Variants in CTNNA3 observed in about 807,000 individuals in gnomAD.
The protein encoded by CTNNA3 is catenin alpha-3.
Under a neutral mutation model 95.7 loss-of-function variants are expected in CTNNA3, and 76 were observed. The observed-to-expected ratio is 0.79, with a 90% CI of 0.66 to 0.96. The LOEUF is 0.96. Among genes scored for constraint, CTNNA3 ranks in the 40% least tolerant of loss-of-function variants. CTNNA3 has a pLI of 0.00. For missense variants in CTNNA3, 1,191 were observed against 1,089.8 expected (o/e 1.09, Z -1.31); for synonymous variants, 431 against 374.4 (o/e 1.15, Z -1.74).
chr10:67,372,708 G>A (rs951550210), intron 5 of CTNNA3, among the ~76,000 whole-genome samples: 8 of 152,144 alleles, frequency 5.3e-5, no homozygotes, highest in African/African-American at 1.7e-4. Flanking sequence ...AGGAAAAAAT[G>A]TTAAGGGCAG....
intron 7 of CTNNA3, among the ~76,000 whole-genome samples, chr10:66,820,029 T>C (rs1842246884): frequency 6.9e-6 from 1 of 145,324 alleles, no homozygotes; most frequent in Non-Finnish European, 1.5e-5. Flanking sequence ...AACTTGTACA[T>C]AAATGTTCAG....
chr10:65,950,865 T>C lies in CTNNA3; in HGVS notation c.2400+15747A>G, dbSNP rs12268045. Among the ~76,000 whole-genome samples the C allele has an allele frequency of 3.2e-3, 482 of 152,276 alleles. 3 individuals carry two copies. The highest frequency in any genetic ancestry group is 0.011 in the African/African-American group (442 of 41,578). ...TACTTTTTTTTATCTCCCCCCTTCA[T>C]TTCTTTCCTTCCCATATCCAGGTTT... On this transcript the variant is annotated intron_variant, in intron 17 of 17. Transcript: ENST00000433211.
intron 13 of CTNNA3, among the ~76,000 whole-genome samples, chr10:66,199,400 A>C (rs1308513931): frequency 6.6e-6 from 1 of 151,824 alleles, no homozygotes; most frequent in Non-Finnish European, 1.5e-5. Context: ...GTTTTTAAGC[A>C]CACAAAGGGA....
chr10:66,688,618 T>C (rs1340381861), intron 9 of CTNNA3, among the ~76,000 whole-genome samples: 1 of 152,134 alleles, frequency 6.6e-6, no homozygotes, highest in Non-Finnish European at 1.5e-5. Context: ...CAGCAGAAGA[T>C]TTTTTGTTCA....
chr10:66,997,313 T>G (rs371568870), intron 7 of CTNNA3, among the ~76,000 whole-genome samples: 1 of 152,216 alleles, frequency 6.6e-6, no homozygotes, highest in East Asian at 1.9e-4. Flanking sequence ...TGATACAATC[T>G]GAGCAGGAAA....
At chr10:66,849,867 G>C (rs1253032719) in intron 7 of CTNNA3, among the ~76,000 whole-genome samples, 2 of 151,922 alleles carry the variant, frequency 1.3e-5, no homozygotes, top group African/African-American at 4.8e-5. Flanking sequence ...TGACTGCTAA[G>C]ATTTATTGAA....
rs112787444 is a variant in CTNNA3, at chr10:66,967,307, T to C, written c.1048-191783A>G. ...TAGTGGATAGATATAGATATAGGTA[T>C]AGATAGATATAGATATGGATATAGA... On this transcript the variant is annotated intron_variant, in intron 7 of 17. Coordinates refer to ENST00000433211, the MANE Select transcript of CTNNA3 (RefSeq NM_013266.4). 8.7e-3 allele frequency among the ~76,000 whole-genome samples: 1,315 copies of C among 151,044 alleles called. 14 individuals carry two copies. Among genetic ancestry groups the C allele is most frequent in the Middle Eastern group, 0.024 (7 of 292 alleles).
chr10:67,350,431 T>A (rs1445018523), intron 5 of CTNNA3, among the ~76,000 whole-genome samples: 1 of 152,010 alleles, frequency 6.6e-6, no homozygotes, highest in East Asian at 1.9e-4. Context: ...CACAATAATA[T>A]TTATACTTTC....
chr10:67,726,138 T>G (rs1330685169), intron 1 of CTNNA3, among the ~76,000 whole-genome samples: 1 of 110,416 alleles, frequency 9.1e-6, no homozygotes, highest in Non-Finnish European at 1.6e-5. Flanking sequence ...ATAATATATA[T>G]TATATTATAT....
intron 9 of CTNNA3, among the ~76,000 whole-genome samples, chr10:66,630,737 C>G (rs74143442): frequency 0.04 from 5,971 of 150,546 alleles, 383 homozygotes; most frequent in African/African-American, 0.14. Flanking sequence ...CCTAGTGAAG[C>G]AGCGCTGCTC....
At chr10:66,155,649 A>G (rs1429384188) in intron 13 of CTNNA3, among the ~76,000 whole-genome samples, 3 of 151,988 alleles carry the variant, frequency 2.0e-5, no homozygotes, top group South Asian at 2.1e-4. Context: ...GGATATATGT[A>G]TGAGAAAAAC....
intron 10 of CTNNA3, among the ~76,000 whole-genome samples, chr10:66,548,839 T>C (rs940228766): frequency 3.9e-5 from 6 of 152,148 alleles, no homozygotes; most frequent in Non-Finnish European, 8.8e-5. Context: ...TCCTTTTATA[T>C]ACTATTGGAT....
At chr10:66,491,736 C>A (rs1839930328) in intron 11 of CTNNA3, among the ~76,000 whole-genome samples, 1 of 152,064 alleles carries the variant, frequency 6.6e-6, no homozygotes, top group Non-Finnish European at 1.5e-5. Context: ...CAAAATCAGG[C>A]AGGCTAATTT....
intron 9 of CTNNA3, among the ~76,000 whole-genome samples, chr10:66,749,368 C>T (rs1336813830): frequency 2.0e-5 from 3 of 152,114 alleles, no homozygotes; most frequent in East Asian, 3.9e-4. Flanking sequence ...TCTACCTCCT[C>T]ACCTCTCCCT....
intron 1 of CTNNA3, among the ~76,000 whole-genome samples, chr10:67,648,097 A>G (rs138284840): frequency 6.6e-6 from 1 of 152,222 alleles, no homozygotes; most frequent in African/African-American, 2.4e-5. Context: ...TGTTGTAAAA[A>G]GAGAGAAGCC....
intron 1 of CTNNA3, chr10:67,648,847 G>T (rs78483829): frequency 8.3e-7 from 1 of 1,198,554 alleles, no homozygotes; most frequent in Non-Finnish European, 1.1e-6. Context: ...TTCAAGAAAG[G>T]CTCCAAACAC....
chr10:67,303,484 G>A (rs890814049), intron 5 of CTNNA3, among the ~76,000 whole-genome samples: 3 of 152,134 alleles, frequency 2.0e-5, no homozygotes, highest in East Asian at 1.9e-4. Context: ...GAGGAGATCC[G>A]GCATGCAGGC....
intron 9 of CTNNA3, among the ~76,000 whole-genome samples, chr10:66,687,734 T>TACACACACACACACACACATAC (rs56196721): frequency 6.7e-6 from 1 of 148,826 alleles, no homozygotes; most frequent in Admixed American, 6.7e-5. Context: ...CACACACACA[T>TACACACACACACACACACATAC]ACACACACAC....
chr10:67,465,767 G>C (rs1184647948), intron 5 of CTNNA3, among the ~76,000 whole-genome samples: 2 of 151,894 alleles, frequency 1.3e-5, no homozygotes, highest in African/African-American at 4.8e-5. Flanking sequence ...ATTTGGAGAA[G>C]GTGAAAAACA....
Sources: gnomAD v4.1 joint callset for allele counts (sites outside exome capture counted in the v4.1 genomes callset) on GRCh38, gnomAD v4.1.1 for gene constraint, MANE v1.5 for transcripts, NCBI Gene and HGNC (gene_info 2026-07-23, HGNC 2026-07-21) for gene names.